OTX1: variants seen among roughly 807,000 people sequenced by gnomAD.
OTX1 encodes homeobox protein OTX1.
A neutral mutation model predicts 26.7 loss-of-function variants in OTX1; 7 were observed. The ratio of observed to expected loss-of-function variants is 0.26; its 90% confidence interval spans 0.15 to 0.49. The LOEUF is 0.49. Ranked by LOEUF, OTX1 falls within the 20% of genes least tolerant of loss-of-function variation. OTX1 has a pLI of 0.98. For missense variants in OTX1, 414 were observed against 483.8 expected (o/e 0.86, Z 1.35); for synonymous variants, 216 against 212.8 (o/e 1.01, Z -0.13).
chr2:63,055,767 T>TGGAGCCCG lies in OTX1; in HGVS notation c.517_518insGAGCCCGG (p.Ala173GlyfsTer41). 1 of 1,612,558 alleles carries TGGAGCCCG rather than the reference T, an allele frequency of 6.2e-7. No homozygotes were observed. The highest frequency in any genetic ancestry group is 8.5e-7 in the Non-Finnish European group (1 of 1,179,692). On this transcript the variant is annotated frameshift_variant, in exon 5 of 5. Coordinates refer to ENST00000282549, the MANE Select transcript of OTX1 (RefSeq NM_014562.4). LOFTEE classifies it high-confidence loss of function. The surrounding 1 kb of genome is among the most constrained non-coding windows in gnomAD (Gnocchi z 5.2). Reference sequence around the variant, plus strand: ...CCGCGTCGTCGCTGAGTACACCAGCTGCCTCATCTATCTGGAGCCCGGCCT... The same window carrying TGGAGCCCG: ...CCGCGTCGTCGCTGAGTACACCAGCTGGAGCCCGGCCTCATCTATCTGGAGCCCGGCCT...
At position 63,055,771 on chromosome 2, in the gene OTX1, T is replaced by C; in HGVS notation, c.520T>C (p.Ser174Pro). ...GTCGTCGCTGAGTACACCAGCTGCCTCATCTATCTGGAGCCCGGCCTCCAT... is the reference window on the plus strand; with the variant it reads ...GTCGTCGCTGAGTACACCAGCTGCCCCATCTATCTGGAGCCCGGCCTCCAT... ...AASSLSTPAASSIWSPASISP... is the reference protein window; with the variant it reads ...AASSLSTPAAPSIWSPASISP... Residue 174 changes from serine (S) to proline (P), a missense_variant, in exon 5 of 5, where the codon TCA (serine) becomes CCA (proline). Coordinates refer to ENST00000282549, the MANE Select transcript of OTX1 (RefSeq NM_014562.4). This position sits in a 1 kb window ranked among gnomAD's most constrained non-coding sequence, Gnocchi z 5.2. 5 of 1,612,442 alleles carry C rather than the reference T, an allele frequency of 3.1e-6. No homozygotes were observed.
Position 63,056,439 on chromosome 2 carries a change from A to C in OTX1, c.*123A>C, listed in dbSNP as rs2062068746. 3 of 901,044 alleles carry C rather than the reference A, an allele frequency of 3.3e-6. No individual in the cohort carries two copies. Among genetic ancestry groups the C allele is most frequent in the Non-Finnish European group, 5.0e-6 (3 of 601,934 alleles). 55.8% of individuals were successfully genotyped at this position (901,044 alleles called of 1,614,324 possible). A position where few individuals can be genotyped will look rare whatever the true frequency, so the allele number is the denominator to read the frequency against. ...CTCCAAAACTGAATTTTCACCCCCC[A>C]AAAAGATGTCCATTGCCTGCACTGC... On this transcript the variant is annotated 3_prime_UTR_variant, in exon 5 of 5. Coordinates refer to ENST00000282549, the MANE Select transcript of OTX1 (RefSeq NM_014562.4).
At position 63,056,423 on chromosome 2, in the gene OTX1, T is replaced by A; in HGVS notation, c.*107T>A. ...GCCTTTGCCTCGTCTTCTCCAAAAC[T>A]GAATTTTCACCCCCCAAAAAGATGT... On this transcript the variant is annotated 3_prime_UTR_variant, in exon 5 of 5. Transcript: ENST00000282549. 9.8e-7 allele frequency: 1 copy of A among 1,024,950 alleles called. No individual in the cohort carries two copies. Among genetic ancestry groups the A allele is most frequent in the Non-Finnish European group, 1.4e-6 (1 of 704,314 alleles). 63.5% of individuals were successfully genotyped at this position (1,024,950 alleles called of 1,614,324 possible).
intron 3 of OTX1, 37 bp downstream of exon 3, chr2:63,053,124 C>A: frequency 7.2e-7 from 1 of 1,393,938 alleles, no homozygotes; most frequent in Non-Finnish European, 9.7e-7. Context: ...CTCAGCCTCT[C>A]AAATGTTGGG....
In OTX1 at chr2:63,055,493, CA is replaced by C. The variant is rs1559119676; in HGVS notation, c.250-7del. ...TTGACCCACTCTCCCCCATCCGGCC[CA>C]CTGCAGGTCTGGTTCAAGAACCGCC... On this transcript the variant is annotated splice_region_variant and splice_polypyrimidine_tract_variant and intron_variant, in intron 4 of 4. Transcript: ENST00000282549. The surrounding 1 kb of genome is among the most constrained non-coding windows in gnomAD (Gnocchi z 5.2). The C allele has an allele frequency of 6.2e-7, 1 of 1,609,852 alleles. No homozygotes were observed. Among genetic ancestry groups the C allele is most frequent in the Admixed American group, 1.7e-5 (1 of 59,844 alleles).
At chr2:63,053,886 T>TGGCC (rs1455606904) in intron 3 of OTX1, 161 bp from the exon 4 acceptor site, 1 of 710,892 alleles carries the variant, frequency 1.4e-6, no homozygotes, top group African/African-American at 1.8e-5. Flanking sequence ...CTCCCACCTG[T>TGGCC]GGCCTCTCAG....
At position 63,052,979 on chromosome 2, in the gene OTX1, C is replaced by T. The variant is rs372348915; in HGVS notation, c.-12C>T. 15 of 1,603,646 alleles carry T rather than the reference C, an allele frequency of 9.4e-6. No individual in the cohort carries two copies. The African/African-American group carries it at 2.0e-4, about 22-fold the overall frequency. ...CCTGGATCCGTCGGGGCGCCTCCAC[C>T]CAGCTGTTAGCATGATGTCTTACCT... On this transcript the variant is annotated 5_prime_UTR_variant, in exon 3 of 5. Coordinates refer to ENST00000282549, the MANE Select transcript of OTX1 (RefSeq NM_014562.4).
chr2:63,056,493 G>C lies in OTX1; in HGVS notation c.*177G>C. 3.1e-6 allele frequency: 2 copies of C among 652,406 alleles called. No individual in the cohort carries two copies. Among genetic ancestry groups the C allele is most frequent in the Non-Finnish European group, 5.2e-6 (2 of 384,238 alleles). 40.4% of individuals were successfully genotyped at this position (652,406 alleles called of 1,614,324 possible). A position where few individuals can be genotyped will look rare whatever the true frequency, so the allele number is the denominator to read the frequency against. On this transcript the variant is annotated 3_prime_UTR_variant, in exon 5 of 5. Coordinates refer to ENST00000282549, the MANE Select transcript of OTX1 (RefSeq NM_014562.4). ...CCCCATTTTTGTGCCACTTGCTTGG[G>C]GGGATGTGCAAACCCACCCTGCCCC...
At position 63,056,388 on chromosome 2, in the gene OTX1, T is replaced by C; in HGVS notation, c.*72T>C. On this transcript the variant is annotated 3_prime_UTR_variant, in exon 5 of 5. Coordinates refer to ENST00000282549, the MANE Select transcript of OTX1 (RefSeq NM_014562.4). ...GTGGTCCCGATCCTGTTGCTGCTGC[T>C]GCACCGCCCGCCTTTGCCTCGTCTT... 7.5e-7 allele frequency: 1 copy of C among 1,338,804 alleles called. No homozygotes were observed. Among genetic ancestry groups the C allele is most frequent in the Non-Finnish European group, 1.0e-6 (1 of 963,456 alleles). 82.9% of individuals were successfully genotyped at this position (1,338,804 alleles called of 1,614,324 possible).
rs1349083295 is a variant in OTX1, at chr2:63,053,140, C to T, written c.97+53C>T. Reference sequence around the variant, plus strand: ...TCAGCCTCTCAAATGTTGGGGACCCCCAGACTGTTGGATTTGAGTGCAAGC... The same window carrying T: ...TCAGCCTCTCAAATGTTGGGGACCCTCAGACTGTTGGATTTGAGTGCAAGC... On this transcript the variant is annotated intron_variant, in intron 3 of 4. Transcript: ENST00000282549. 7 of 1,256,652 alleles carry T rather than the reference C, an allele frequency of 5.6e-6. No individual in the cohort carries two copies. In the African/African-American group the frequency reaches 1.1e-4, roughly 19 times the overall value. The allele number at this position is 1,256,652 out of a possible 1,614,324, so 77.8% of individuals were successfully genotyped here.
chr2:63,053,866 T>C (rs2062044939), intron 3 of OTX1, 181 bp from the exon 4 acceptor site: 2 of 628,648 alleles, frequency 3.2e-6, no homozygotes. Context: ...TAGTCGCACA[T>C]CTGCACTTTC....
In OTX1 at chr2:63,055,133, A is replaced by G. The variant is rs1370117558; in HGVS notation, c.250-368A>G. Among the ~76,000 whole-genome samples the G allele has an allele frequency of 6.6e-6, 1 of 152,194 alleles. No homozygotes were observed. The highest frequency in any genetic ancestry group is 6.5e-5 in the Admixed American group (1 of 15,284). On this transcript the variant is annotated intron_variant, in intron 4 of 4. Transcript: ENST00000282549. This position sits in a 1 kb window ranked among gnomAD's most constrained non-coding sequence, Gnocchi z 5.2. ...CTGTTAGTAGAAAACTGGGCCTCCA[A>G]ACACACACGGGGCCTCCAAACATAC...
chr2:63,055,533 CCAG>C lies in OTX1; in HGVS notation c.292_294del (p.Gln98del), dbSNP rs1436428901. Reference sequence around the variant, plus strand: ...TCAAGAACCGCCGCGCCAAATGCCGCCAGCAGCAGCAGAGCGGGAGCGGAACCA... The same window carrying C: ...TCAAGAACCGCCGCGCCAAATGCCGCCAGCAGCAGAGCGGGAGCGGAACCA... On this transcript the variant is annotated inframe_deletion, in exon 5 of 5. Transcript: ENST00000282549. The surrounding 1 kb of genome is among the most constrained non-coding windows in gnomAD (Gnocchi z 5.2). The C allele has an allele frequency of 1.2e-6, 2 of 1,614,040 alleles. No individual in the cohort carries two copies. Among genetic ancestry groups the C allele is most frequent in the Non-Finnish European group, 8.5e-7 (1 of 1,179,942 alleles).
chr2:63,053,071 A>G lies in OTX1; in HGVS notation c.81A>G (p.Pro27=). ...LAGPAMDLLH[P]SVGYPATPRK... is the part of the protein sequence containing the mutation. ...GGCCCGCCATGGACCTCCTGCACCCATCCGTGGGCTATCCGGGTGAGCACC... is the reference window on the plus strand; with the variant it reads ...GGCCCGCCATGGACCTCCTGCACCCGTCCGTGGGCTATCCGGGTGAGCACC... The change falls in exon 3 of 5, where the codon CCA becomes CCG. Residue 27 remains proline, a synonymous_variant. Coordinates refer to ENST00000282549, the MANE Select transcript of OTX1 (RefSeq NM_014562.4). The G allele has an allele frequency of 6.3e-7, 1 of 1,587,088 alleles. No homozygotes were observed. Among genetic ancestry groups the G allele is most frequent in the Admixed American group, 1.8e-5 (1 of 56,686 alleles).
intron 1 of OTX1, 126 bp from the exon 2 acceptor site, chr2:63,051,123 A>G (rs1179440680): frequency 1.3e-5 from 2 of 152,338 alleles, no homozygotes; most frequent in Non-Finnish European, 2.9e-5. Flanking sequence ...AGTGAAACCC[A>G]GAAGGACACG....
rs1477610076 is a variant in OTX1, at chr2:63,055,711, G to A, written c.460G>A (p.Ala154Thr). ...SSSANPAAAA[A>T]AGLGGNPVAA... ...TTCCGCCAACCCAGCGGCTGCAGCG[G>A]CTGCGGGACTAGGTGGGAACCCGGT... The change falls in exon 5 of 5, where the codon GCT becomes ACT. Residue 154 changes from alanine to threonine, a missense_variant. Physicochemically the swap from Ala to Thr is moderately conservative, Grantham distance 58. Coordinates refer to ENST00000282549, the MANE Select transcript of OTX1 (RefSeq NM_014562.4). This position sits in a 1 kb window ranked among gnomAD's most constrained non-coding sequence, Gnocchi z 5.2. 2 of 1,613,240 alleles carry A rather than the reference G, an allele frequency of 1.2e-6. No homozygotes were observed. Among genetic ancestry groups the A allele is most frequent in the African/African-American group, 2.7e-5 (2 of 74,946 alleles).
Position 63,055,491 on chromosome 2 carries a change from C to T in OTX1, c.250-10C>T, listed in dbSNP as rs1269242792. 1.2e-6 allele frequency: 2 copies of T among 1,608,954 alleles called. No homozygotes were observed. Among genetic ancestry groups the T allele is most frequent in the Non-Finnish European group, 8.5e-7 (1 of 1,177,092 alleles). ...CTTTGACCCACTCTCCCCCATCCGG[C>T]CCACTGCAGGTCTGGTTCAAGAACC... On this transcript the variant is annotated splice_polypyrimidine_tract_variant and intron_variant, in intron 4 of 4. Coordinates refer to ENST00000282549, the MANE Select transcript of OTX1 (RefSeq NM_014562.4). The surrounding 1 kb of genome is among the most constrained non-coding windows in gnomAD (Gnocchi z 5.2).
chr2:63,054,209 C>G lies in OTX1; in HGVS notation c.249+11C>G. On this transcript the variant is annotated intron_variant, in intron 4 of 4. Coordinates refer to ENST00000282549, the MANE Select transcript of OTX1 (RefSeq NM_014562.4). The stretch of plus-strand genomic sequence containing the variant: ...GAGTCTAGAGTCCAGGTGCGCACTC[C>G]CCGGGCTCCAGGGTCTGGGTAGGGG... The G allele has an allele frequency of 6.3e-7, 1 of 1,577,758 alleles. No homozygotes were observed. The highest frequency in any genetic ancestry group is 8.6e-7 in the Non-Finnish European group (1 of 1,160,484).
chr2:63,052,959 A>G lies in OTX1; in HGVS notation c.-32A>G, dbSNP rs1269456653. On this transcript the variant is annotated 5_prime_UTR_variant, in exon 3 of 5. Transcript: ENST00000282549. The stretch of plus-strand genomic sequence containing the variant: ...CCGCTCCTGGCCCCGGGCCCCCTGG[A>G]TCCGTCGGGGCGCCTCCACCCAGCT... The G allele has an allele frequency of 7.3e-6, 11 of 1,513,420 alleles. No individual in the cohort carries two copies. The highest frequency in any genetic ancestry group is 1.0e-5 in the Non-Finnish European group (11 of 1,093,892). The allele number at this position is 1,513,420 out of a possible 1,614,324, so 93.7% of individuals were successfully genotyped here.
Sources: gnomAD v4.1 joint callset for allele counts (sites outside exome capture counted in the v4.1 genomes callset) on GRCh38, gnomAD v4.1.1 for gene constraint, Gnocchi (gnomAD v3.1) non-coding constraint, MANE v1.5 for transcripts, NCBI Gene and HGNC (gene_info 2026-07-23, HGNC 2026-07-21) for gene names.